Variants in LCP1 observed in about 807,000 individuals in gnomAD.
LCP1 encodes the protein plastin-2.
LCP1 carries 23 observed loss-of-function variants against 72.0 expected under a neutral mutation model. The observed-to-expected ratio is 0.32, with a 90% CI of 0.23 to 0.45. LCP1 has a LOEUF of 0.45. Ranked by LOEUF, LCP1 falls within the 20% of genes least tolerant of loss-of-function variation. The probability of loss-of-function intolerance (pLI) is 1.00; values close to 1 mark genes in which losing one functional copy is unlikely to be tolerated. For missense variants in LCP1, 571 were observed against 748.3 expected (o/e 0.76, Z 2.76); for synonymous variants, 245 against 275.4 (o/e 0.89, Z 1.09).
chr13:46,141,874 A>G (rs948523016), intron 13 of LCP1, among the ~76,000 whole-genome samples: 2 of 152,212 alleles, frequency 1.3e-5, no homozygotes, highest in South Asian at 2.1e-4. Flanking sequence ...TTATTTACAC[A>G]GATCAATTGA....
chr13:46,128,555 G>A (rs1011525150), intron 15 of LCP1, among the ~76,000 whole-genome samples: 1 of 152,046 alleles, frequency 6.6e-6, no homozygotes, highest in Middle Eastern at 3.4e-3. Context: ...CCAAGATCGT[G>A]CCACTGTAGT....
At chr13:46,160,434 T>C (rs2045831120) in intron 1 of LCP1, among the ~76,000 whole-genome samples, 1 of 152,234 alleles carries the variant, frequency 6.6e-6, no homozygotes, top group Non-Finnish European at 1.5e-5. Flanking sequence ...GGTATCTTCG[T>C]GTTCATATTT....
Position 46,127,528 on chromosome 13 carries a change from T to C in LCP1, c.*63A>G. The C allele has an allele frequency of 6.2e-7, 1 of 1,600,380 alleles. No individual in the cohort carries two copies. The highest frequency in any genetic ancestry group is 8.5e-7 in the Non-Finnish European group (1 of 1,171,494). On this transcript the variant is annotated 3_prime_UTR_variant, in exon 16 of 16. Transcript: ENST00000323076. Reference sequence around the variant, plus strand: ...ACTTTGGAATGGCTTGAATCATCCCTGGAGCATCTGTGCCGGGCAGTCAGG... The same window carrying C: ...ACTTTGGAATGGCTTGAATCATCCCCGGAGCATCTGTGCCGGGCAGTCAGG...
In LCP1 at chr13:46,127,503, A is replaced by T. The variant is rs2045606133; in HGVS notation, c.*88T>A. 23 of 1,529,866 alleles carry T rather than the reference A, an allele frequency of 1.5e-5. No individual in the cohort carries two copies. Among genetic ancestry groups the T allele is most frequent in the Non-Finnish European group, 1.9e-5 (21 of 1,122,134 alleles). 94.8% of individuals were successfully genotyped at this position (1,529,866 alleles called of 1,614,324 possible). A position where few individuals can be genotyped will look rare whatever the true frequency, so the allele number is the denominator to read the frequency against. ...ATCTTATAGAGTGTCACCAAGTTGA[A>T]CTTTGGAATGGCTTGAATCATCCCT... is the stretch of plus-strand genomic sequence containing the variant. On this transcript the variant is annotated 3_prime_UTR_variant, in exon 16 of 16. Transcript: ENST00000323076.
At chr13:46,128,351 C>G (rs2045612539) in intron 15 of LCP1, among the ~76,000 whole-genome samples, 1 of 152,230 alleles carries the variant, frequency 6.6e-6, no homozygotes, top group Non-Finnish European at 1.5e-5. Context: ...GTAATCCCAA[C>G]ACTTCGGGTG....
At position 46,159,273 on chromosome 13, in the gene LCP1, A is replaced by C. The variant is rs143153460; in HGVS notation, c.65-284T>G. 6.4e-5 allele frequency: 33 copies of C among 518,494 alleles called. No homozygotes were observed. In the East Asian group the frequency reaches 9.9e-4, roughly 16 times the overall value. 32.1% of individuals were successfully genotyped at this position (518,494 alleles called of 1,614,324 possible). A position where few individuals can be genotyped will look rare whatever the true frequency, so the allele number is the denominator to read the frequency against. ...AAACTCTTAAGGAAACCACAGGTTT[A>C]GTGATAAAGAGTAAGAGAAAGTATG... On this transcript the variant is annotated intron_variant, in intron 2 of 15. Coordinates refer to ENST00000323076, the MANE Select transcript of LCP1 (RefSeq NM_002298.5).
chr13:46,147,900 T>G (rs7997795), intron 9 of LCP1, among the ~76,000 whole-genome samples: 11,705 of 152,226 alleles, frequency 0.077, 852 homozygotes, highest in African/African-American at 0.19. Context: ...TGAGCTTTAC[T>G]TGTCATTTAC....
chr13:46,158,009 G>C (rs902831785), intron 4 of LCP1, among the ~76,000 whole-genome samples: 1 of 152,148 alleles, frequency 6.6e-6, no homozygotes, highest in Non-Finnish European at 1.5e-5. Context: ...TTACACGCGT[G>C]AGCCACTGTG....
chr13:46,168,070 A>G (rs2045886280), intron 1 of LCP1, among the ~76,000 whole-genome samples: 1 of 152,234 alleles, frequency 6.6e-6, no homozygotes, highest in Non-Finnish European at 1.5e-5. Flanking sequence ...TGAGACAATT[A>G]ATATACTTGA....
In LCP1 at chr13:46,166,218, T is replaced by C. The variant is rs779562202; in HGVS notation, c.-24-6532A>G. Reference sequence around the variant, plus strand: ...AAGAAAAAACATCCTCTAAAGTAAATGTAAAAATGTAAATGGAATTTTCTC... The same window carrying C: ...AAGAAAAAACATCCTCTAAAGTAAACGTAAAAATGTAAATGGAATTTTCTC... On this transcript the variant is annotated intron_variant, in intron 1 of 15. Coordinates refer to ENST00000323076, the MANE Select transcript of LCP1 (RefSeq NM_002298.5). 2.9e-4 allele frequency among the ~76,000 whole-genome samples: 44 copies of C among 152,208 alleles called. 1 individual carries two copies. The highest frequency in any genetic ancestry group is 1.2e-4 in the Non-Finnish European group (8 of 68,038).
intron 8 of LCP1, among the ~76,000 whole-genome samples, chr13:46,149,756 G>A (rs992651327): frequency 6.6e-6 from 1 of 152,212 alleles, no homozygotes; most frequent in Non-Finnish European, 1.5e-5. Context: ...AGAGAACACA[G>A]CCATTTAATG....
chr13:46,151,621 G>A (rs2045764705), intron 7 of LCP1, among the ~76,000 whole-genome samples: 1 of 152,110 alleles, frequency 6.6e-6, no homozygotes, highest in Admixed American at 6.5e-5. Flanking sequence ...TTTAGCTGAG[G>A]TCATTATTTG....
intron 1 of LCP1, chr13:46,169,871 T>C (rs751716049): frequency 7.2e-5 from 11 of 152,214 alleles, no homozygotes; most frequent in Non-Finnish European, 1.2e-4. Context: ...GCCAAATTCA[T>C]AGATCAATAA....
At chr13:46,134,615 A>G (rs918997061) in intron 13 of LCP1, among the ~76,000 whole-genome samples, 13 of 152,218 alleles carry the variant, frequency 8.5e-5, no homozygotes, top group African/African-American at 3.1e-4. Flanking sequence ...AATGTTGGAA[A>G]AGTCTGAGTA....
intron 1 of LCP1, among the ~76,000 whole-genome samples, chr13:46,173,730 A>C (rs1341520196): frequency 6.6e-6 from 1 of 152,206 alleles, no homozygotes; most frequent in Non-Finnish European, 1.5e-5. Context: ...GTATTGCAGA[A>C]CTGGTACATG....
intron 9 of LCP1, among the ~76,000 whole-genome samples, chr13:46,147,549 G>A (rs1336129547): frequency 6.6e-6 from 1 of 152,154 alleles, no homozygotes; most frequent in Admixed American, 6.5e-5. Context: ...TTGCCAGTAA[G>A]AACATATGAT....
intron 13 of LCP1, among the ~76,000 whole-genome samples, chr13:46,140,190 A>G (rs1240845048): frequency 1.3e-5 from 2 of 152,214 alleles, no homozygotes; most frequent in African/African-American, 4.8e-5. Flanking sequence ...TATAGAGAGA[A>G]GAGAGTCATT....
rs1259691509 is a variant in LCP1, at chr13:46,158,520, AC to A, written c.358+1del. On this transcript the variant is annotated splice_donor_variant, in intron 4 of 15. Coordinates refer to ENST00000323076, the MANE Select transcript of LCP1 (RefSeq NM_002298.5). LOFTEE classifies it high-confidence loss of function. The stretch of plus-strand genomic sequence containing the variant: ...CTGCTCCAACCCAGGAGTTGAGCCT[AC>A]CTGAATAGGAGTGTTGGGTGCCAAC... The A allele has an allele frequency of 6.2e-7, 1 of 1,613,296 alleles. No homozygotes were observed. The highest frequency in any genetic ancestry group is 1.3e-5 in the African/African-American group (1 of 74,898).
chr13:46,171,533 C>A (rs75450646), intron 1 of LCP1, among the ~76,000 whole-genome samples: 1,800 of 152,322 alleles, frequency 0.012, 21 homozygotes, highest in South Asian at 0.039. Context: ...TGTGTCCCCC[C>A]TGCCACTGGT....
Sources: allele counts gnomAD v4.1 joint callset (sites outside exome capture counted in the v4.1 genomes callset), GRCh38; gene constraint gnomAD v4.1.1; transcripts MANE v1.5; gene names NCBI Gene and HGNC (gene_info 2026-07-23, HGNC 2026-07-21).